BBX: variants seen among roughly 807,000 people sequenced by gnomAD.
BBX encodes BBX high mobility group box domain containing.
A neutral mutation model predicts 100.2 loss-of-function variants in BBX; 30 were observed. The ratio of observed to expected loss-of-function variants is 0.30; its 90% CI spans 0.22 to 0.41. The LOEUF is 0.41. Ranked by LOEUF, BBX falls within the 10% of genes least tolerant of loss-of-function variation. The pLI, the probability that BBX is intolerant of heterozygous loss-of-function variation, is 1.00. For missense variants in BBX, 1,023 were observed against 1,129.8 expected (o/e 0.91, Z 1.35); for synonymous variants, 376 against 388.1 (o/e 0.97, Z 0.37).
chr3:107,765,151 G>A (rs936995820), intron 10 of BBX, among the ~76,000 whole-genome samples: 2 of 152,166 alleles, frequency 1.3e-5, no homozygotes, highest in Non-Finnish European at 2.9e-5. Flanking sequence ...ACTAATATGA[G>A]TATTACTGGT....
chr3:107,595,519 G>C (rs1307591540), intron 2 of BBX, among the ~76,000 whole-genome samples: 1 of 152,202 alleles, frequency 6.6e-6, no homozygotes, highest in Non-Finnish European at 1.5e-5. Flanking sequence ...AAAACATTTA[G>C]TGCAGAAATA....
chr3:107,766,934 C>T lies in BBX; in HGVS notation c.907-5694C>T, dbSNP rs574945882. ...CATGGATGAAGCTGGAAACCATTCT[C>T]AGCAACCTAACACAGGAACAGAAAA... On this transcript the variant is annotated intron_variant, in intron 10 of 17. Coordinates refer to ENST00000325805, the MANE Select transcript of BBX (RefSeq NM_001142568.3). Among the ~76,000 whole-genome samples the T allele has an allele frequency of 1.2e-3, 182 of 152,306 alleles. 2 individuals are homozygous for T. The highest frequency in any genetic ancestry group is 1.9e-3 in the Non-Finnish European group (126 of 68,018).
intron 3 of BBX, among the ~76,000 whole-genome samples, chr3:107,677,161 AATAAC>A (rs1005490765): frequency 8.5e-5 from 13 of 152,104 alleles, no homozygotes. Flanking sequence ...AACCTGTACT[AATAAC>A]ATTGGGAAAC....
At position 107,535,461 on chromosome 3, in the gene BBX, A is replaced by T. The variant is rs2048426711; in HGVS notation, c.-84+9063A>T. Among the ~76,000 whole-genome samples the T allele has an allele frequency of 3.3e-5, 5 of 152,094 alleles. No individual in the cohort carries two copies. The South Asian group carries it at 1.0e-3, about 31-fold the overall frequency. On this transcript the variant is annotated intron_variant, in intron 2 of 17. Transcript: ENST00000325805. ...TTTCTTTCTAGTTGGTATATCTAGT[A>T]TAGAAATGTCTATGGCAGCTGTTAT...
chr3:107,628,966 C>A (rs866730648), intron 2 of BBX, among the ~76,000 whole-genome samples: 3 of 152,156 alleles, frequency 2.0e-5, no homozygotes, highest in African/African-American at 7.2e-5. Flanking sequence ...TGATCTTTTT[C>A]CACTTGAAAG....
At chr3:107,578,525 A>G (rs1382716842) in intron 2 of BBX, among the ~76,000 whole-genome samples, 2 of 152,222 alleles carry the variant, frequency 1.3e-5, no homozygotes, top group Non-Finnish European at 2.9e-5. Flanking sequence ...TGGCCAGGTT[A>G]GCATTTTTAA....
At chr3:107,653,550 G>A (rs538967530) in intron 3 of BBX, among the ~76,000 whole-genome samples, 15 of 152,270 alleles carry the variant, frequency 9.9e-5, no homozygotes, top group African/African-American at 3.1e-4. Context: ...CAAGAATATT[G>A]TGTTTGTTTT....
intron 13 of BBX, among the ~76,000 whole-genome samples, chr3:107,779,642 A>G (rs917223148): frequency 6.6e-6 from 1 of 152,174 alleles, no homozygotes; most frequent in Admixed American, 6.6e-5. Flanking sequence ...TGTATTTTAA[A>G]TAGACCAATT....
At chr3:107,635,145 C>G (rs2056775552) in intron 2 of BBX, among the ~76,000 whole-genome samples, 1 of 152,036 alleles carries the variant, frequency 6.6e-6, no homozygotes, top group Non-Finnish European at 1.5e-5. Flanking sequence ...AAACACTGTG[C>G]CTCTTCAAGC....
chr3:107,749,035 G>A (rs562028340), intron 9 of BBX, among the ~76,000 whole-genome samples: 2 of 151,708 alleles, frequency 1.3e-5, no homozygotes, highest in South Asian at 2.1e-4. Context: ...GACAACTCGT[G>A]TCAACTACTA....
intron 3 of BBX, among the ~76,000 whole-genome samples, chr3:107,689,314 C>A (rs997312430): frequency 6.6e-6 from 1 of 152,144 alleles, no homozygotes; most frequent in Non-Finnish European, 1.5e-5. Context: ...CCTTCCCTTA[C>A]GTGCTGTGTT....
chr3:107,582,140 A>G (rs949549187), intron 2 of BBX, among the ~76,000 whole-genome samples: 76 of 152,176 alleles, frequency 5.0e-4, no homozygotes, highest in African/African-American at 1.8e-3. Flanking sequence ...TTAAAAAAAA[A>G]TCACATTTAC....
Position 107,557,610 on chromosome 3 carries a change from T to C in BBX, c.-84+31212T>C, listed in dbSNP as rs563350622. On this transcript the variant is annotated intron_variant, in intron 2 of 17. Coordinates refer to ENST00000325805, the MANE Select transcript of BBX (RefSeq NM_001142568.3). Reference sequence around the variant, plus strand: ...AGTACTTACCCTCCAGGAACTCCACTGATGACCTATTCCCGGCTTTCATTC... The same window carrying C: ...AGTACTTACCCTCCAGGAACTCCACCGATGACCTATTCCCGGCTTTCATTC... Among the ~76,000 whole-genome samples, 3 of 152,364 alleles carry C rather than the reference T, an allele frequency of 2.0e-5. No individual in the cohort carries two copies. In the East Asian group the frequency reaches 5.8e-4, roughly 29 times the overall value.
intron 3 of BBX, among the ~76,000 whole-genome samples, chr3:107,698,062 C>T (rs1005184808): frequency 6.6e-6 from 1 of 151,784 alleles, no homozygotes; most frequent in Non-Finnish European, 1.5e-5. Context: ...GGCTCGTGCA[C>T]GGTGCGCGCA....
chr3:107,659,753 G>A, intron 3 of BBX: 1 of 1,282,616 alleles, frequency 7.8e-7, no homozygotes, highest in South Asian at 1.2e-5. Flanking sequence ...GTGCATGAAT[G>A]CACTGTTTAT....
At chr3:107,776,896 A>T (rs1351722667) in intron 12 of BBX, among the ~76,000 whole-genome samples, 17 of 152,176 alleles carry the variant, frequency 1.1e-4, no homozygotes. Context: ...ACATTTTTTA[A>T]CTAAATGAGA....
At chr3:107,573,372 A>G (rs2051515223) in intron 2 of BBX, among the ~76,000 whole-genome samples, 1 of 152,184 alleles carries the variant, frequency 6.6e-6, no homozygotes, top group South Asian at 2.1e-4. Context: ...AGCCTGGCCA[A>G]TACGGTGAAA....
intron 13 of BBX, among the ~76,000 whole-genome samples, chr3:107,779,672 T>C (rs569191465): frequency 3.9e-5 from 6 of 152,164 alleles, no homozygotes; most frequent in Non-Finnish European, 5.9e-5. Flanking sequence ...GATATAAATA[T>C]TAACAAAGAG....
chr3:107,655,301 T>TTA (rs2058066589), intron 3 of BBX, among the ~76,000 whole-genome samples: 3 of 152,124 alleles, frequency 2.0e-5, no homozygotes, highest in Admixed American at 2.0e-4. Context: ...ATTCAGTGGA[T>TTA]TATAGTTATT....
Sources: allele counts gnomAD v4.1 joint callset (sites outside exome capture counted in the v4.1 genomes callset), GRCh38; gene constraint gnomAD v4.1.1; transcripts MANE v1.5; gene names NCBI Gene and HGNC (gene_info 2026-07-23, HGNC 2026-07-21).